Variants in ROR1 observed in about 807,000 individuals in gnomAD.
ROR1 encodes ROR family WNT receptor 1.
A neutral mutation model predicts 78.8 loss-of-function variants in ROR1; 19 were observed. The ratio of observed to expected loss-of-function variants is 0.24; its 90% CI spans 0.17 to 0.35. The LOEUF is 0.35. Ranked by LOEUF, ROR1 falls within the 10% of genes least tolerant of loss-of-function variation. The pLI is 1.00. For missense variants in ROR1, 917 were observed against 1,177.8 expected (o/e 0.78, Z 3.24); for synonymous variants, 386 against 433.6 (o/e 0.89, Z 1.36).
chr1:64,159,024 C>T lies in ROR1; in HGVS notation c.1218C>T (p.Tyr406=), dbSNP rs764127956. 23 of 1,614,136 alleles carry T rather than the reference C, an allele frequency of 1.4e-5. No individual in the cohort carries two copies. Among genetic ancestry groups the T allele is most frequent in the Non-Finnish European group, 1.9e-5 (23 of 1,180,002 alleles). ...AGAAGAATAAAATGGAAATCCTGTACATACTAGTGCCAAGTGTGGCCATTC... is the reference window on the plus strand; with the variant it reads ...AGAAGAATAAAATGGAAATCCTGTATATACTAGTGCCAAGTGTGGCCATTC... ...SKEKNKMEIL[Y]ILVPSVAIPL... is the part of the protein sequence containing the mutation. Residue 406 remains tyrosine, a synonymous_variant, in exon 8 of 9, where the codon TAC becomes TAT. Transcript: ENST00000371079.
At chr1:63,902,273 G>A (rs1645491220) in intron 1 of ROR1, among the ~76,000 whole-genome samples, 1 of 151,894 alleles carries the variant, frequency 6.6e-6, no homozygotes, top group African/African-American at 2.4e-5. Context: ...ACAGTAACCA[G>A]GGAAACTTCC....
intron 8 of ROR1, among the ~76,000 whole-genome samples, chr1:64,161,391 T>C (rs1225040649): frequency 2.6e-5 from 4 of 152,050 alleles, no homozygotes; most frequent in Admixed American, 2.6e-4. Flanking sequence ...GGAGGGAGGG[T>C]TAGGCAAGCA....
At chr1:63,918,310 C>T (rs927146010) in intron 1 of ROR1, among the ~76,000 whole-genome samples, 1 of 152,188 alleles carries the variant, frequency 6.6e-6, no homozygotes, top group African/African-American at 2.4e-5. Context: ...GCACATCATA[C>T]GACAGGAATC....
chr1:63,918,475 A>C (rs1355401820), intron 1 of ROR1, among the ~76,000 whole-genome samples: 1 of 152,196 alleles, frequency 6.6e-6, no homozygotes, highest in Non-Finnish European at 1.5e-5. Flanking sequence ...GAATCTCAGT[A>C]GGTTCTTAAG....
At chr1:63,912,042 T>G (rs964759642) in intron 1 of ROR1, among the ~76,000 whole-genome samples, 3 of 151,602 alleles carry the variant, frequency 2.0e-5, no homozygotes, top group African/African-American at 4.9e-5. Context: ...ATCCCAGCAC[T>G]TTGGAAGACC....
At chr1:64,113,294 A>G (rs1648183109) in intron 4 of ROR1, among the ~76,000 whole-genome samples, 1 of 152,190 alleles carries the variant, frequency 6.6e-6, no homozygotes, top group Non-Finnish European at 1.5e-5. Flanking sequence ...AACACCGTGC[A>G]TTTCACAAAG....
chr1:64,097,643 A>G (rs952687834), intron 4 of ROR1, among the ~76,000 whole-genome samples: 4 of 152,012 alleles, frequency 2.6e-5, no homozygotes, highest in Non-Finnish European at 4.4e-5. Context: ...TGTCCTAGGT[A>G]TAATTATTTC....
intron 1 of ROR1, among the ~76,000 whole-genome samples, chr1:63,899,954 C>T (rs940971993): frequency 2.0e-5 from 3 of 151,964 alleles, no homozygotes; most frequent in Non-Finnish European, 4.4e-5. Context: ...GCTTTTTACT[C>T]CCCTTTCCTC....
At chr1:64,121,267 G>C (rs1648533666) in intron 4 of ROR1, among the ~76,000 whole-genome samples, 1 of 114,626 alleles carries the variant, frequency 8.7e-6, no homozygotes, top group Admixed American at 1.0e-4. Flanking sequence ...CCATCCTCCT[G>C]TTTCTTTATT....
chr1:63,815,033 T>A (rs1644882105), intron 1 of ROR1, among the ~76,000 whole-genome samples: 1 of 152,214 alleles, frequency 6.6e-6, no homozygotes. Context: ...TGCCTTCACT[T>A]TTTGCCTATT....
In ROR1 at chr1:63,873,440, T is replaced by C. The variant is rs532145246; in HGVS notation, c.91+98932T>C. On this transcript the variant is annotated intron_variant, in intron 1 of 8. Transcript: ENST00000371079. ...CAAAACCAACAAACAAAAACTTGCATTGAAGCAACACCCAGAAGGAGTGAG... is the reference window on the plus strand; with the variant it reads ...CAAAACCAACAAACAAAAACTTGCACTGAAGCAACACCCAGAAGGAGTGAG... Among the ~76,000 whole-genome samples the C allele has an allele frequency of 6.6e-5, 10 of 152,294 alleles. No homozygotes were observed. In the South Asian group the frequency reaches 1.5e-3, roughly 22 times the overall value.
At chr1:63,844,065 T>C (rs1225349632) in intron 1 of ROR1, among the ~76,000 whole-genome samples, 1 of 152,170 alleles carries the variant, frequency 6.6e-6, no homozygotes, top group African/African-American at 2.4e-5. Context: ...AGTGATTATC[T>C]CCCTTACTCT....
At chr1:63,789,093 C>T (rs761454114) in intron 1 of ROR1, 7 of 614,580 alleles carry the variant, frequency 1.1e-5, no homozygotes, top group East Asian at 3.8e-5. Context: ...CCTGCCCTTC[C>T]GGTAGGCCAA....
chr1:64,077,194 G>C (rs1030887645), intron 4 of ROR1, among the ~76,000 whole-genome samples: 1 of 152,330 alleles, frequency 6.6e-6, no homozygotes, highest in Admixed American at 6.5e-5. Flanking sequence ...AACATTTCAA[G>C]TATATGTTCT....
In ROR1 at chr1:64,141,152, C is replaced by T. The variant is rs116616199; in HGVS notation, c.928+726C>T. ...ATATTGTGAAAGAACTAAATAAATG[C>T]ACTAATGGTACATGTAATGGTAAGT... is the stretch of plus-strand genomic sequence containing the variant. On this transcript the variant is annotated intron_variant, in intron 6 of 8. Transcript: ENST00000371079. 3.6e-3 allele frequency among the ~76,000 whole-genome samples: 544 copies of T among 152,220 alleles called. 6 individuals carry two copies. The highest frequency in any genetic ancestry group is 0.013 in the African/African-American group (530 of 41,508).
intron 1 of ROR1, among the ~76,000 whole-genome samples, chr1:63,873,328 CTTG>C (rs1446051795): frequency 3.3e-5 from 5 of 152,232 alleles, no homozygotes; most frequent in South Asian, 2.1e-4. Context: ...TAAGAATTTT[CTTG>C]TTGTTGTTGG....
chr1:64,048,498 T>C (rs999098793), intron 2 of ROR1, among the ~76,000 whole-genome samples: 2 of 152,056 alleles, frequency 1.3e-5, no homozygotes, highest in Non-Finnish European at 2.9e-5. Context: ...CGGAAGGACA[T>C]AGGACAATGA....
At chr1:64,101,912 T>A (rs1647563546) in intron 4 of ROR1, among the ~76,000 whole-genome samples, 1 of 152,190 alleles carries the variant, frequency 6.6e-6, no homozygotes, top group South Asian at 2.1e-4. Flanking sequence ...TCTTAGAAAT[T>A]GCTTGGGTAA....
At chr1:64,102,961 C>T (rs536954036) in intron 4 of ROR1, among the ~76,000 whole-genome samples, 2 of 152,146 alleles carry the variant, frequency 1.3e-5, no homozygotes, top group Admixed American at 1.3e-4. Context: ...CAATCACCCC[C>T]CTGTTGAGAA....
Sources: allele counts gnomAD v4.1 joint callset (sites outside exome capture counted in the v4.1 genomes callset), GRCh38; gene constraint gnomAD v4.1.1; transcripts MANE v1.5; gene names NCBI Gene and HGNC (gene_info 2026-07-23, HGNC 2026-07-21).